The following TMEFF2 variants were observed in gnomAD, a reference collection of about 807,000 sequenced individuals.
The protein encoded by TMEFF2 is transmembrane protein with EGF like and two follistatin like domains 2, also known as tomoregulin-2.
In TMEFF2, 28 loss-of-function variants were observed where a neutral mutation model predicts 53.8. The observed-to-expected ratio is 0.52, with a 90% CI of 0.39 to 0.71. The LOEUF (loss-of-function observed/expected upper bound fraction) is 0.71, where lower values mean the gene tolerates loss of function less well. Ranked by LOEUF, TMEFF2 falls within the 30% of genes least tolerant of loss-of-function variation. The probability of loss-of-function intolerance (pLI) is 0.00; values close to 1 mark genes in which losing one functional copy is unlikely to be tolerated. For synonymous variants in TMEFF2, 162 were observed against 166.3 expected (o/e 0.97, Z 0.20); for missense variants, 353 against 455.2 (o/e 0.78, Z 2.04).
chr2:192,132,897 G>T (rs1473161780), intron 4 of TMEFF2, among the ~76,000 whole-genome samples: 2 of 152,158 alleles, frequency 1.3e-5, no homozygotes. Context: ...GACTGACGCT[G>T]CCTGATCACC....
rs1372633284 is a variant in TMEFF2 at position 191,978,827 on chromosome 2, GA to G, written c.745+19434del. Reference sequence around the variant, plus strand: ...AAAATTACATAAAATAATTTATTAAGATTTTTTTCTTCTTATGGTGAATTCC... The same window carrying G: ...AAAATTACATAAAATAATTTATTAAGTTTTTTTCTTCTTATGGTGAATTCC... On this transcript the variant is annotated intron_variant, in intron 7 of 9. Transcript: ENST00000272771. Among the ~76,000 whole-genome samples the G allele has an allele frequency of 1.7e-4, 26 of 152,138 alleles. 1 individual carries two copies. Among genetic ancestry groups the G allele is most frequent in the Admixed American group, 1.5e-3 (23 of 15,282 alleles).
At chr2:191,977,648 A>G (rs948443238) in intron 7 of TMEFF2, among the ~76,000 whole-genome samples, 4 of 152,178 alleles carry the variant, frequency 2.6e-5, no homozygotes, top group African/African-American at 7.2e-5. Context: ...AAATAAATAT[A>G]TATTAGGTTT....
intron 5 of TMEFF2, among the ~76,000 whole-genome samples, chr2:192,022,448 C>CCCT (rs1286849866): frequency 1.3e-5 from 2 of 152,176 alleles, no homozygotes; most frequent in African/African-American, 4.8e-5. Flanking sequence ...AGAGGCAACC[C>CCCT]CCTACCATGT....
chr2:192,177,075 T>C (rs765793659), intron 4 of TMEFF2: 4 of 151,218 alleles, frequency 2.6e-5, no homozygotes, highest in Non-Finnish European at 5.9e-5. Context: ...ATTAATTAAA[T>C]ACACATTACT....
intron 4 of TMEFF2, chr2:192,177,598 T>C (rs1284074524): frequency 6.6e-6 from 1 of 151,060 alleles, no homozygotes; most frequent in Non-Finnish European, 1.5e-5. Flanking sequence ...ATGTGTTATA[T>C]GCTTTTTTTT....
chr2:191,973,873 A>G (rs1263287811), intron 7 of TMEFF2, among the ~76,000 whole-genome samples: 1 of 152,094 alleles, frequency 6.6e-6, no homozygotes, highest in African/African-American at 2.4e-5. Flanking sequence ...TTCACTCTGC[A>G]CTTCTCCTTG....
chr2:192,125,792 A>G (rs1476082883), intron 4 of TMEFF2, among the ~76,000 whole-genome samples: 2 of 152,176 alleles, frequency 1.3e-5, no homozygotes, highest in African/African-American at 2.4e-5. Context: ...CAAACACTAC[A>G]TGTTCTCAAT....
At chr2:192,184,660 A>G (rs1446676610) in intron 2 of TMEFF2, among the ~76,000 whole-genome samples, 177 bp from the exon 3 acceptor site, 1 of 152,160 alleles carries the variant, frequency 6.6e-6, no homozygotes, top group Non-Finnish European at 1.5e-5. Context: ...GCCAATTTCA[A>G]GTTAGCCAAC....
chr2:192,088,047 TTACTAA>T (rs1688704718), intron 4 of TMEFF2, among the ~76,000 whole-genome samples: 1 of 152,154 alleles, frequency 6.6e-6, no homozygotes, highest in South Asian at 2.1e-4. Context: ...GCTGCCTGGT[TTACTAA>T]GAAACTGCAG....
chr2:192,101,472 T>G lies in TMEFF2; in HGVS notation c.440-43697A>C, dbSNP rs182197191. 1.2e-3 allele frequency among the ~76,000 whole-genome samples: 180 copies of G among 152,324 alleles called. 1 individual carries two copies. In the Middle Eastern group the frequency reaches 0.041, roughly 35 times the overall value. On this transcript the variant is annotated intron_variant, in intron 4 of 9. Transcript: ENST00000272771. ...ATTTGTTAACTTTTTAAAATTCATA[T>G]TTTGCTATGTTTTATTTTCTCTACA...
intron 2 of TMEFF2, among the ~76,000 whole-genome samples, chr2:192,190,000 C>T (rs1237087123): frequency 6.6e-6 from 1 of 152,170 alleles, no homozygotes. Context: ...GACTTGCATT[C>T]GTTTCCACTC....
At chr2:192,170,053 A>G (rs1690869698) in intron 4 of TMEFF2, among the ~76,000 whole-genome samples, 3 of 152,246 alleles carry the variant, frequency 2.0e-5, no homozygotes, top group Admixed American at 1.3e-4. Flanking sequence ...TTTTAAAATA[A>G]CAGCTATTTT....
At chr2:191,964,402 T>TTCTTTCTTTCTTTCTTTC (rs1692405092) in intron 7 of TMEFF2, among the ~76,000 whole-genome samples, 3 of 99,272 alleles carry the variant, frequency 3.0e-5, no homozygotes, top group African/African-American at 5.2e-5. Context: ...TTCTTTCTCT[T>TTCTTTCTTTCTTTCTTTC]TCTTTCTTTC....
At chr2:191,965,505 C>T (rs187190765) in intron 7 of TMEFF2, among the ~76,000 whole-genome samples, 138 of 152,240 alleles carry the variant, frequency 9.1e-4, no homozygotes, top group Non-Finnish European at 1.7e-3. Context: ...GAAGAGAAAA[C>T]GTGAGTACAT....
At chr2:192,002,125 C>A (rs1243759991) in intron 5 of TMEFF2, among the ~76,000 whole-genome samples, 1 of 152,104 alleles carries the variant, frequency 6.6e-6, no homozygotes, top group African/African-American at 2.4e-5. Flanking sequence ...ATCGCTTGCT[C>A]AAGGCCTCCT....
intron 2 of TMEFF2, 149 bp downstream of exon 2, chr2:192,191,731 A>G: frequency 1.7e-6 from 1 of 579,918 alleles, no homozygotes; most frequent in Non-Finnish European, 3.1e-6. Context: ...TCTTGACATC[A>G]GTTGGCTCTC....
intron 4 of TMEFF2, among the ~76,000 whole-genome samples, chr2:192,084,756 G>A (rs1381224500): frequency 6.6e-6 from 1 of 152,128 alleles, no homozygotes; most frequent in Non-Finnish European, 1.5e-5. Context: ...ATTTTATGAT[G>A]ACAAAAAGCA....
intron 4 of TMEFF2, among the ~76,000 whole-genome samples, chr2:192,058,654 A>G (rs949525903): frequency 9.2e-5 from 14 of 152,270 alleles, no homozygotes; most frequent in African/African-American, 3.4e-4. Context: ...TCCCAGTTAA[A>G]AATATATAGT....
At chr2:192,099,035 T>G (rs753111830) in intron 4 of TMEFF2, among the ~76,000 whole-genome samples, 8 of 152,026 alleles carry the variant, frequency 5.3e-5, no homozygotes, top group Non-Finnish European at 1.2e-4. Flanking sequence ...TGGTTCATAT[T>G]CTCCAAAGAC....
Sources: allele counts gnomAD v4.1 joint callset (sites outside exome capture counted in the v4.1 genomes callset), GRCh38; gene constraint gnomAD v4.1.1; transcripts MANE v1.5; gene names NCBI Gene and HGNC (gene_info 2026-07-23, HGNC 2026-07-21).